Variants in TAFA5 observed in about 807,000 individuals in gnomAD.
TAFA5 encodes chemokine-like protein TAFA-5.
In TAFA5, 6 loss-of-function variants were observed where a neutral mutation model predicts 15.3. The observed-to-expected ratio is 0.39, with a 90% CI of 0.21 to 0.77. The LOEUF (loss-of-function observed/expected upper bound fraction) is 0.77, where lower values mean the gene tolerates loss of function less well. Ranked by LOEUF, TAFA5 falls within the 30% of genes least tolerant of loss-of-function variation. The pLI is 0.41. For missense variants in TAFA5, 161 were observed against 193.1 expected (o/e 0.83, Z 0.98); for synonymous variants, 103 against 80.7 (o/e 1.28, Z -1.48).
intron 1 of TAFA5, among the ~76,000 whole-genome samples, chr22:48,571,572 C>CTGTTT (rs1555888626): frequency 1.4e-3 from 57 of 40,798 alleles, no homozygotes; most frequent in Admixed American, 2.5e-3. Flanking sequence ...TGTGCCTGGC[C>CTGTTT]TGTTTTTTTT....
At chr22:48,599,909 C>T (rs1222275876) in intron 1 of TAFA5, among the ~76,000 whole-genome samples, 2 of 152,186 alleles carry the variant, frequency 1.3e-5, no homozygotes, top group Non-Finnish European at 2.9e-5. Flanking sequence ...CTGTCTTGGC[C>T]TAGAACACAG....
Position 48,585,473 on chromosome 22 carries a change from C to T in TAFA5, c.113-61124C>T, listed in dbSNP as rs142394145. Among the ~76,000 whole-genome samples the T allele has an allele frequency of 3.2e-3, 478 of 150,720 alleles. 3 individuals carry two copies. The highest frequency in any genetic ancestry group is 0.027 in the Middle Eastern group (8 of 294). On this transcript the variant is annotated intron_variant, in intron 1 of 3. Transcript: ENST00000402357. Reference sequence around the variant, plus strand: ...CACACACCACACAAAATACACCACACATACACCACATACAAAATACACCAC... The same window carrying T: ...CACACACCACACAAAATACACCACATATACACCACATACAAAATACACCAC...
intron 2 of TAFA5, among the ~76,000 whole-genome samples, chr22:48,688,699 A>C (rs894581153): frequency 3.9e-5 from 6 of 152,160 alleles, no homozygotes; most frequent in African/African-American, 7.2e-5. Flanking sequence ...CTGATTTAAC[A>C]AAAAAAGAGG....
intron 1 of TAFA5, among the ~76,000 whole-genome samples, chr22:48,614,970 C>T (rs1372710669): frequency 1.3e-5 from 2 of 152,172 alleles, no homozygotes; most frequent in Admixed American, 6.5e-5. Flanking sequence ...GGAGAAGCCA[C>T]GCACTGTAAG....
At chr22:48,747,896 A>T (rs61104106) in intron 3 of TAFA5, among the ~76,000 whole-genome samples, 1,231 of 17,326 alleles carry the variant, frequency 0.071, 21 homozygotes, top group African/African-American at 0.35. Context: ...GACTCTGTCT[A>T]AAAAAAAAAA....
At chr22:48,734,636 T>C (rs942964884) in intron 3 of TAFA5, among the ~76,000 whole-genome samples, 4 of 152,240 alleles carry the variant, frequency 2.6e-5, no homozygotes, top group African/African-American at 9.6e-5. Flanking sequence ...AGGACCATGT[T>C]TGGCAAAGTC....
intron 3 of TAFA5, among the ~76,000 whole-genome samples, chr22:48,726,072 AC>A (rs1929706509): frequency 6.6e-6 from 1 of 152,212 alleles, no homozygotes; most frequent in South Asian, 2.1e-4. Context: ...CCCCACAAAC[AC>A]ACATGCAAGC....
intron 2 of TAFA5, among the ~76,000 whole-genome samples, chr22:48,701,280 C>T (rs130131): frequency 0.57 from 86,395 of 151,964 alleles, 24,808 homozygotes; most frequent in African/African-American, 0.62. Flanking sequence ...TGCGTGTCCT[C>T]CAGCTGTGTC....
intron 3 of TAFA5, among the ~76,000 whole-genome samples, chr22:48,726,295 T>C (rs1242367386): frequency 6.6e-6 from 1 of 152,248 alleles, no homozygotes; most frequent in East Asian, 1.9e-4. Context: ...TCAGTGCGGA[T>C]GGCATCAGGT....
intron 3 of TAFA5, among the ~76,000 whole-genome samples, chr22:48,739,271 T>C (rs1313084250): frequency 6.6e-6 from 1 of 152,250 alleles, no homozygotes; most frequent in Non-Finnish European, 1.5e-5. Flanking sequence ...ATATTTTTTT[T>C]TCCCAGAGAA....
rs574808005 is a variant in TAFA5 at position 48,646,459 on chromosome 22, G to A, written c.113-138G>A. On this transcript the variant is annotated intron_variant, in intron 1 of 3. Transcript: ENST00000402357. ...GGCAGCCTTCGAGGTGCTTTCGGAC[G>A]CTCCCTCTGAGTGAAGCGGTCTCCC... 6.7e-5 allele frequency: 73 copies of A among 1,095,636 alleles called. No individual in the cohort carries two copies. The African/African-American group carries it at 8.7e-4, about 13-fold the overall frequency. The allele number at this position is 1,095,636 out of a possible 1,614,324, so 67.9% of individuals were successfully genotyped here. A position where few individuals can be genotyped will look rare whatever the true frequency, so the allele number is the denominator to read the frequency against.
intron 1 of TAFA5, among the ~76,000 whole-genome samples, chr22:48,518,219 G>A (rs1337135750): frequency 2.6e-5 from 4 of 152,200 alleles, no homozygotes; most frequent in Admixed American, 6.5e-5. Flanking sequence ...CGTGGGATCT[G>A]GGTGTCTGGA....
chr22:48,669,193 G>T (rs5771702), intron 2 of TAFA5, among the ~76,000 whole-genome samples: 20,671 of 152,220 alleles, frequency 0.14, 1,634 homozygotes, highest in East Asian at 0.27. Flanking sequence ...CTGGGAGAGA[G>T]AAACCCATTG....
intron 1 of TAFA5, among the ~76,000 whole-genome samples, chr22:48,622,080 A>G (rs1258710725): frequency 6.6e-6 from 1 of 152,004 alleles, no homozygotes; most frequent in Non-Finnish European, 1.5e-5. Context: ...CCTACAACAC[A>G]CCTTCCCTTC....
intron 2 of TAFA5, among the ~76,000 whole-genome samples, chr22:48,660,087 T>C (rs1347362607): frequency 2.0e-5 from 3 of 151,422 alleles, no homozygotes; most frequent in Admixed American, 2.0e-4. Context: ...GTTCCCAGAC[T>C]CCAGTTCACC....
At chr22:48,725,121 G>T (rs1569095396) in intron 3 of TAFA5, among the ~76,000 whole-genome samples, 2 of 152,396 alleles carry the variant, frequency 1.3e-5, no homozygotes, top group Non-Finnish European at 1.5e-5. Flanking sequence ...CGGGAAGCCT[G>T]TCGGGCATCC....
chr22:48,689,207 G>C (rs528540107), intron 2 of TAFA5, among the ~76,000 whole-genome samples: 1 of 152,128 alleles, frequency 6.6e-6, no homozygotes, highest in Non-Finnish European at 1.5e-5. Flanking sequence ...TCAAAAACGC[G>C]TGGAACCCTT....
At chr22:48,622,092 C>T (rs537956285) in intron 1 of TAFA5, among the ~76,000 whole-genome samples, 51 of 152,290 alleles carry the variant, frequency 3.3e-4, no homozygotes, top group African/African-American at 1.1e-3. Context: ...CTTCCCTTCT[C>T]CTGCACCCTG....
chr22:48,593,866 C>T (rs1045760146), intron 1 of TAFA5, among the ~76,000 whole-genome samples: 14 of 152,158 alleles, frequency 9.2e-5, no homozygotes, highest in African/African-American at 1.9e-4. Context: ...TGTGAGCATC[C>T]GAGGTGGTGA....
Sources: allele counts gnomAD v4.1 joint callset (sites outside exome capture counted in the v4.1 genomes callset), GRCh38; gene constraint gnomAD v4.1.1; transcripts MANE v1.5; gene names NCBI Gene and HGNC (gene_info 2026-07-23, HGNC 2026-07-21).